The following GLIPR1L2 variants were observed in gnomAD, a reference collection of about 807,000 sequenced individuals.
GLIPR1L2 encodes GLIPR1-like protein 2.
Under a neutral mutation model 28.4 loss-of-function variants are expected in GLIPR1L2, and 21 were observed. The ratio of observed to expected loss-of-function variants is 0.74; its 90% CI spans 0.52 to 1.06. The LOEUF (loss-of-function observed/expected upper bound fraction) is 1.06. Among genes scored for constraint, GLIPR1L2 ranks in the 50% least tolerant of loss-of-function variants. The pLI, the probability that GLIPR1L2 is intolerant of heterozygous loss-of-function variation, is 0.00. For synonymous variants in GLIPR1L2, 145 were observed against 139.3 expected (o/e 1.04, Z -0.29); for missense variants, 476 against 416.9 (o/e 1.14, Z -1.23).
At chr12:75,426,993 A>G (rs2046040749) in intron 4 of GLIPR1L2, among the ~76,000 whole-genome samples, 1 of 152,190 alleles carries the variant, frequency 6.6e-6, no homozygotes, top group Admixed American at 6.5e-5. Flanking sequence ...CTGAATCTTA[A>G]TGGATAGACT....
rs201416567 is a variant in GLIPR1L2, at chr12:75,410,631, C to T, written c.432C>T (p.Tyr144=). 4.2e-5 allele frequency: 67 copies of T among 1,611,220 alleles called. No individual in the cohort carries two copies. In the South Asian group the frequency reaches 7.1e-4, roughly 17 times the overall value. ...IRSWHAEKKM[Y]NFENGSCSGD... is the part of the protein sequence containing the mutation. ...GTTGGCATGCAGAGAAGAAAATGTACAATTTTGAAAATGGCAGTTGCTCTG... is the reference window on the plus strand; with the variant it reads ...GTTGGCATGCAGAGAAGAAAATGTATAATTTTGAAAATGGCAGTTGCTCTG... Residue 144 remains tyrosine, a synonymous_variant, in exon 2 of 6, where the codon TAC becomes TAT. Coordinates refer to ENST00000550916, the MANE Select transcript of GLIPR1L2 (RefSeq NM_001270396.2).
At chr12:75,397,054 T>G (rs2045688865) in intron 1 of GLIPR1L2, among the ~76,000 whole-genome samples, 1 of 152,138 alleles carries the variant, frequency 6.6e-6, no homozygotes, top group Non-Finnish European at 1.5e-5. Flanking sequence ...TGCTCTCTAG[T>G]CTCCCTGTCT....
chr12:75,398,890 A>G (rs908390624), intron 1 of GLIPR1L2, among the ~76,000 whole-genome samples: 2 of 152,174 alleles, frequency 1.3e-5, no homozygotes, highest in African/African-American at 4.8e-5. Context: ...GATTATCTAG[A>G]CCAAAAACAC....
At chr12:75,404,513 T>C (rs1194603471) in intron 1 of GLIPR1L2, among the ~76,000 whole-genome samples, 1 of 152,110 alleles carries the variant, frequency 6.6e-6, no homozygotes, top group East Asian at 1.9e-4. Context: ...AAGCATATAT[T>C]TTTATTCTAC....
rs1462063432 is a variant in GLIPR1L2, at chr12:75,410,437, T to C, written c.238T>C (p.Trp80Arg). The C allele has an allele frequency of 6.5e-7, 1 of 1,546,418 alleles. No individual in the cohort carries two copies. Among genetic ancestry groups the C allele is most frequent in the Non-Finnish European group, 8.7e-7 (1 of 1,145,622 alleles). The change falls in exon 2 of 6, where the codon TGG (tryptophan) becomes CGG (arginine). Residue 80 changes from tryptophan (W) to arginine (R), a missense_variant. By Grantham distance (101) the Trp-to-Arg change is moderately radical. Transcript: ENST00000550916. ...TTGCTTTTTGAATATTTTTCAGACT[T>C]GGGATGTAGCTTTATCACGGACTGC... is the stretch of plus-strand genomic sequence containing the variant. The part of the protein sequence containing the change: ...PRGSNLRFMT[W>R]DVALSRTARA...
intron 3 of GLIPR1L2, among the ~76,000 whole-genome samples, chr12:75,417,766 C>G (rs530815075): frequency 7.2e-6 from 1 of 138,464 alleles, no homozygotes; most frequent in African/African-American, 2.6e-5. Flanking sequence ...TATAATGTAT[C>G]AGAAAAAAAC....
intron 4 of GLIPR1L2, among the ~76,000 whole-genome samples, chr12:75,430,387 T>C (rs2046079299): frequency 6.6e-6 from 1 of 152,176 alleles, no homozygotes; most frequent in African/African-American, 2.4e-5. Flanking sequence ...AAAATAGATA[T>C]TGTAGAATCC....
At chr12:75,407,465 A>G (rs1318176724) in intron 1 of GLIPR1L2, among the ~76,000 whole-genome samples, 1 of 152,168 alleles carries the variant, frequency 6.6e-6, no homozygotes, top group East Asian at 1.9e-4. Flanking sequence ...TGGAACTATA[A>G]AACAAAATAA....
At position 75,415,056 on chromosome 12, in the gene GLIPR1L2, C is replaced by T. The variant is rs138170316; in HGVS notation, c.584+1355C>T. On this transcript the variant is annotated intron_variant, in intron 3 of 5. Transcript: ENST00000550916. ...CATTTGAGCTGAAAACCAGATGTTCCAGGTAGAAGTATGTTCCAGATAGGA... is the reference window on the plus strand; with the variant it reads ...CATTTGAGCTGAAAACCAGATGTTCTAGGTAGAAGTATGTTCCAGATAGGA... 2.0e-5 allele frequency among the ~76,000 whole-genome samples: 3 copies of T among 152,026 alleles called. No homozygotes were observed. The East Asian group carries it at 5.8e-4, about 29-fold the overall frequency.
At chr12:75,400,925 A>G (rs560013982) in intron 1 of GLIPR1L2, among the ~76,000 whole-genome samples, 1 of 151,742 alleles carries the variant, frequency 6.6e-6, no homozygotes, top group Non-Finnish European at 1.5e-5. Context: ...TTTTATATAT[A>G]TATATGTGTG....
At chr12:75,401,743 G>A (rs567588093) in intron 1 of GLIPR1L2, among the ~76,000 whole-genome samples, 1 of 152,060 alleles carries the variant, frequency 6.6e-6, no homozygotes, top group East Asian at 1.9e-4. Context: ...AAGGAATTAA[G>A]CAACATTCTT....
rs778737817 is a variant in GLIPR1L2 at position 75,422,886 on chromosome 12, C to G, written c.585-18C>G. The G allele has an allele frequency of 6.3e-7, 1 of 1,578,666 alleles. No homozygotes were observed. Among genetic ancestry groups the G allele is most frequent in the Admixed American group, 2.0e-5 (1 of 50,314 alleles). On this transcript the variant is annotated intron_variant, in intron 3 of 5. Coordinates refer to ENST00000550916, the MANE Select transcript of GLIPR1L2 (RefSeq NM_001270396.2). ...GAAGCTTATTCTAACTAAATGTTTT[C>G]TGCTTTTTTGTTTGTAGAGGAACAC... is the stretch of plus-strand genomic sequence containing the variant.
chr12:75,391,625 T>C (rs942768943), intron 1 of GLIPR1L2: 65 of 983,598 alleles, frequency 6.6e-5, no homozygotes, highest in Admixed American at 2.5e-5. Flanking sequence ...TTCAAGAAAA[T>C]GATATTTTAA....
intron 3 of GLIPR1L2, among the ~76,000 whole-genome samples, chr12:75,417,934 T>C (rs2045939135): frequency 6.6e-6 from 1 of 152,128 alleles, no homozygotes; most frequent in Admixed American, 6.6e-5. Context: ...AGGATGACCA[T>C]AAGAATTTAT....
chr12:75,422,568 C>A (rs2045988211), intron 3 of GLIPR1L2, among the ~76,000 whole-genome samples: 1 of 152,196 alleles, frequency 6.6e-6, no homozygotes, highest in Non-Finnish European at 1.5e-5. Flanking sequence ...TCCCAAAGTG[C>A]TGGGATTACG....
intron 1 of GLIPR1L2, among the ~76,000 whole-genome samples, chr12:75,405,227 T>C (rs1051717930): frequency 2.0e-5 from 3 of 152,106 alleles, no homozygotes; most frequent in Non-Finnish European, 4.4e-5. Flanking sequence ...CTGGTCAAGA[T>C]GAGAAAGAAG....
At position 75,391,200 on chromosome 12, in the gene GLIPR1L2, C is replaced by A. The variant is rs1156935314; in HGVS notation, c.84C>A (p.Leu28=). The A allele has an allele frequency of 1.2e-6, 2 of 1,614,124 alleles. No homozygotes were observed. The highest frequency in any genetic ancestry group is 4.5e-5 in the East Asian group (2 of 44,892). Residue 28 remains leucine, a synonymous_variant, in exon 1 of 6, where the codon CTC becomes CTA. Coordinates refer to ENST00000550916, the MANE Select transcript of GLIPR1L2 (RefSeq NM_001270396.2). The part of the protein sequence containing the change: ...LAVGGVLKLR[L]CELWLLLLGS... The stretch of plus-strand genomic sequence containing the variant: ...TAGGGGGCGTTTTGAAGCTGCGGCT[C>A]TGTGAGCTGTGGCTACTGCTACTGG...
chr12:75,415,704 G>A (rs186343173), intron 3 of GLIPR1L2, among the ~76,000 whole-genome samples: 1 of 152,052 alleles, frequency 6.6e-6, no homozygotes, highest in African/African-American at 2.4e-5. Context: ...TTGTTTTCTT[G>A]CTGGCTCTGA....
chr12:75,428,912 G>A (rs1016947118), intron 4 of GLIPR1L2, among the ~76,000 whole-genome samples: 1 of 152,224 alleles, frequency 6.6e-6, no homozygotes, highest in Non-Finnish European at 1.5e-5. Context: ...TTGAGCTTTG[G>A]GAGCCTTCAC....
Sources: allele counts gnomAD v4.1 joint callset (sites outside exome capture counted in the v4.1 genomes callset), GRCh38; gene constraint gnomAD v4.1.1; transcripts MANE v1.5; gene names NCBI Gene and HGNC (gene_info 2026-07-23, HGNC 2026-07-21).